Variants in GLUD1 observed in about 807,000 individuals in gnomAD.
GLUD1 encodes glutamate dehydrogenase 1.
GLUD1 carries 22 observed loss-of-function variants against 56.0 expected under a neutral mutation model. The observed-to-expected ratio is 0.39, with a 90% confidence interval of 0.28 to 0.56. The LOEUF is 0.56. Ranked by LOEUF, GLUD1 falls within the 20% of genes least tolerant of loss-of-function variation. GLUD1 has a pLI of 0.58. For synonymous variants in GLUD1, 223 were observed against 269.9 expected (o/e 0.83, Z 1.70); for missense variants, 451 against 732.0 (o/e 0.62, Z 4.43).
chr10:87,090,224 C>T (rs1841478872), intron 1 of GLUD1, among the ~76,000 whole-genome samples: 1 of 152,180 alleles, frequency 6.6e-6, no homozygotes, highest in African/African-American at 2.4e-5. Flanking sequence ...CCTAAGCACT[C>T]TGAATTATTA....
intron 6 of GLUD1, chr10:87,061,323 A>G: frequency 3.6e-6 from 2 of 559,922 alleles, no homozygotes; most frequent in Non-Finnish European, 6.7e-6. Flanking sequence ...GGAGTTCGAG[A>G]TCAGCCATGG....
intron 1 of GLUD1, among the ~76,000 whole-genome samples, chr10:87,079,582 C>T (rs953229281): frequency 9.9e-5 from 15 of 152,168 alleles, no homozygotes; most frequent in African/African-American, 3.4e-4. Flanking sequence ...TGTGCCCAGG[C>T]GACCCAGCCT....
chr10:87,062,625 T>C (rs920057451), intron 6 of GLUD1, 31 bp downstream of exon 6: 5 of 1,537,954 alleles, frequency 3.3e-6, no homozygotes, highest in Non-Finnish European at 4.5e-6. Flanking sequence ...CTATCAGTTA[T>C]TAAGGAAACT....
At chr10:87,062,604 T>C (rs1845965026) in intron 6 of GLUD1, 52 bp downstream of exon 6, 2 of 1,276,218 alleles carry the variant, frequency 1.6e-6, no homozygotes, top group Non-Finnish European at 2.3e-6. Flanking sequence ...ATTGAAAACT[T>C]TACTTAATGT....
intron 3 of GLUD1, among the ~76,000 whole-genome samples, chr10:87,075,411 A>G (rs1422041318): frequency 2.6e-5 from 4 of 152,262 alleles, no homozygotes; most frequent in African/African-American, 9.6e-5. Context: ...AAAGTAAAAC[A>G]AAAGACTCAT....
At chr10:87,057,266 C>T (rs1490095570) in intron 11 of GLUD1, among the ~76,000 whole-genome samples, 5 of 152,116 alleles carry the variant, frequency 3.3e-5, no homozygotes, top group East Asian at 1.9e-4. Context: ...GGATTACAGG[C>T]GTGTGCCACC....
intron 11 of GLUD1, 127 bp downstream of exon 11, chr10:87,057,564 T>C (rs2133788450): frequency 2.7e-6 from 2 of 742,402 alleles, no homozygotes; most frequent in Non-Finnish European, 5.0e-6. Flanking sequence ...AAAACACACA[T>C]GTCACGCACT....
rs1366438664 is a variant in GLUD1, at chr10:87,094,621, C to T, written c.149G>A (p.Arg50Gln). 4 of 1,609,918 alleles carry T rather than the reference C, an allele frequency of 2.5e-6. No homozygotes were observed. Among genetic ancestry groups the T allele is most frequent in the African/African-American group, 1.3e-5 (1 of 74,746 alleles). The change falls in exon 1 of 13, where the codon CGG becomes CAG. Residue 50 changes from arginine (R) to glutamine (Q), a missense_variant. Transcript: ENST00000277865. The surrounding 1 kb of genome is among the most constrained non-coding windows in gnomAD (Gnocchi z 6.6). ...GGCCACCGCCTCGCTGTAGTGGCGC[C>T]GGGCGGCCAATGCCAGCCCCGGCTG... Reference protein sequence around the residue: ...APQPGLALAARRHYSEAVADR... With the variant: ...APQPGLALAAQRHYSEAVADR...
intron 4 of GLUD1, among the ~76,000 whole-genome samples, chr10:87,072,348 T>C (rs990578002): frequency 1.3e-5 from 2 of 152,222 alleles, no homozygotes; most frequent in Non-Finnish European, 2.9e-5. Flanking sequence ...CCTCTTTTTT[T>C]CTTTTGTTTT....
intron 5 of GLUD1, among the ~76,000 whole-genome samples, chr10:87,065,588 G>A (rs1169156481): frequency 6.6e-6 from 1 of 152,148 alleles, no homozygotes; most frequent in Non-Finnish European, 1.5e-5. Context: ...CAAGGGCTAA[G>A]GGAAGGATGC....
At chr10:87,086,994 C>T (rs1159691957) in intron 1 of GLUD1, among the ~76,000 whole-genome samples, 3 of 152,116 alleles carry the variant, frequency 2.0e-5, no homozygotes, top group Admixed American at 1.3e-4. Flanking sequence ...AGCACAGACC[C>T]CACAGCTCAA....
intron 1 of GLUD1, among the ~76,000 whole-genome samples, chr10:87,092,270 C>T (rs1432615990): frequency 6.6e-6 from 1 of 152,208 alleles, no homozygotes. Flanking sequence ...ATGTAATCTT[C>T]CCCAATCCAG....
At chr10:87,063,403 A>G (rs1845987006) in intron 5 of GLUD1, among the ~76,000 whole-genome samples, 1 of 152,202 alleles carries the variant, frequency 6.6e-6, no homozygotes, top group Non-Finnish European at 1.5e-5. Flanking sequence ...CAGAAAAAAC[A>G]AGAGTGTAGG....
At chr10:87,060,570 G>T in intron 8 of GLUD1, 118 bp downstream of exon 8, 1 of 1,183,342 alleles carries the variant, frequency 8.5e-7, no homozygotes, top group Non-Finnish European at 1.3e-6. Context: ...TATGGTATGT[G>T]CAGTATGTGC....
intron 6 of GLUD1, among the ~76,000 whole-genome samples, chr10:87,061,862 C>T (rs1186188315): frequency 6.6e-6 from 1 of 152,116 alleles, no homozygotes; most frequent in Non-Finnish European, 1.5e-5. Flanking sequence ...CGGCTCACTG[C>T]AAGCTCCACC....
At chr10:87,067,738 T>C (rs1417858296) in intron 5 of GLUD1, 1 of 337,382 alleles carries the variant, frequency 3.0e-6, no homozygotes, top group Admixed American at 3.9e-5. Flanking sequence ...TATCTGCTTA[T>C]GCACCTTAGT....
intron 2 of GLUD1, among the ~76,000 whole-genome samples, 195 bp from the exon 3 acceptor site, chr10:87,076,218 G>A (rs1846389675): frequency 6.6e-6 from 1 of 152,042 alleles, no homozygotes; most frequent in African/African-American, 2.4e-5. Context: ...CAATAAAATT[G>A]GCTAGCCAAG....
chr10:87,062,513 A>T (rs1845962839), intron 6 of GLUD1, 143 bp downstream of exon 6: 2 of 714,054 alleles, frequency 2.8e-6, no homozygotes, highest in Middle Eastern at 3.9e-4. Context: ...AAAAAACAAA[A>T]TATCTATTAC....
Position 87,053,526 on chromosome 10 carries a change from A to T in GLUD1, c.1495-122T>A, listed in dbSNP as rs184526786. The T allele has an allele frequency of 5.8e-5, 42 of 722,346 alleles. No homozygotes were observed. The African/African-American group carries it at 7.1e-4, about 12-fold the overall frequency. 44.7% of individuals were successfully genotyped at this position (722,346 alleles called of 1,614,324 possible). On this transcript the variant is annotated intron_variant, in intron 11 of 12. Transcript: ENST00000277865. ...AGACAGAATTTTTTGTCTTTTAGCT[A>T]AGATATGTCATTTCTGCACAGTATC...
Sources: allele counts gnomAD v4.1 joint callset (sites outside exome capture counted in the v4.1 genomes callset), GRCh38; gene constraint gnomAD v4.1.1; non-coding constraint Gnocchi (gnomAD v3.1); transcripts MANE v1.5; gene names NCBI Gene and HGNC (gene_info 2026-07-23, HGNC 2026-07-21).